The following IPO5 variants were observed in gnomAD, a reference collection of about 807,000 sequenced individuals.
IPO5 encodes the protein importin-5.
IPO5 carries 18 observed loss-of-function variants against 143.3 expected under a neutral mutation model. That is an observed-to-expected ratio of 0.13 (90% CI 0.09 to 0.19). IPO5 has a LOEUF of 0.19. Ranked by LOEUF, IPO5 falls within the 10% of genes least tolerant of loss-of-function variation. The pLI is 1.00. For missense variants in IPO5, 1,013 were observed against 1,336.9 expected, an observed-to-expected ratio of 0.76 and a Z score of 3.78; for synonymous variants, 477 against 465.7, an observed-to-expected ratio of 1.02 and a Z score of -0.31.
chr13:97,990,161 A>G lies in IPO5; in HGVS notation c.503A>G (p.His168Arg), dbSNP rs1255333252. ...FPGIFGNQQQHYLDVIKRMLV... is the reference protein window; with the variant it reads ...FPGIFGNQQQRYLDVIKRMLV... The stretch of plus-strand genomic sequence containing the variant: ...GGAATTTTTGGGAACCAGCAACAAC[A>G]CTATTTAGATGTCATCAAACGAATG... Residue 168 changes from histidine to arginine, a missense_variant, in exon 8 of 29, where the codon CAC becomes CGC. By Grantham distance (29) the His-to-Arg change is conservative. This residue lies in a region of IPO5 where 328 missense variants were observed against 342.0 expected (regional missense o/e 0.96). Coordinates refer to ENST00000651721, the MANE Select transcript of IPO5 (RefSeq NM_002271.6). 1 of 1,613,264 alleles carries G rather than the reference A, an allele frequency of 6.2e-7. No individual in the cohort carries two copies. The highest frequency in any genetic ancestry group is 1.3e-5 in the African/African-American group (1 of 75,044).
intron 20 of IPO5, among the ~76,000 whole-genome samples, chr13:98,010,442 G>C (rs1889600996): frequency 6.6e-6 from 1 of 152,118 alleles, no homozygotes; most frequent in South Asian, 2.1e-4. Flanking sequence ...CCAAATTCCT[G>C]TTAGTGGGAA....
At position 97,976,721 on chromosome 13, in the gene IPO5, C is replaced by G; in HGVS notation, c.25C>G (p.Gln9Glu). Residue 9 changes from glutamine to glutamate, a missense_variant, in exon 4 of 29, where the codon CAA becomes GAA. Physicochemically the swap from Gln to Glu is conservative, Grantham distance 29. Transcript: ENST00000651721. MAAAAAEQ[Q>E]QFYLLLGNLL... ...AATGGCGGCGGCCGCGGCGGAGCAG[C>G]AACAGTTCTACCTGCTCCTGGGAAA... The G allele has an allele frequency of 7.1e-7, 1 of 1,408,886 alleles. No individual in the cohort carries two copies. 87.3% of individuals were successfully genotyped at this position (1,408,886 alleles called of 1,614,324 possible). A position where few individuals can be genotyped will look rare whatever the true frequency, so the allele number is the denominator to read the frequency against.
intron 4 of IPO5, chr13:97,979,744 C>G: frequency 2.6e-6 from 1 of 378,098 alleles, no homozygotes; most frequent in South Asian, 2.0e-5. Flanking sequence ...GTTGCCCAGG[C>G]TGGTCTTGAA....
intron 3 of IPO5, among the ~76,000 whole-genome samples, chr13:97,974,046 G>T (rs1054520981): frequency 2.0e-5 from 3 of 152,154 alleles, no homozygotes; most frequent in African/African-American, 7.2e-5. Flanking sequence ...CTGGGCAACA[G>T]AGTGAGACTC....
chr13:98,007,192 C>T (rs1889339456), intron 17 of IPO5, among the ~76,000 whole-genome samples: 1 of 152,140 alleles, frequency 6.6e-6, no homozygotes, highest in Non-Finnish European at 1.5e-5. Context: ...CTCAGCTGTG[C>T]TCCTGATGCC....
intron 27 of IPO5, among the ~76,000 whole-genome samples, chr13:98,020,730 A>T (rs927321790): frequency 6.6e-6 from 1 of 151,808 alleles, no homozygotes; most frequent in Non-Finnish European, 1.5e-5. Flanking sequence ...TATTTTTAAT[A>T]ATACAAAACA....
chr13:97,990,554 G>A lies in IPO5; in HGVS notation c.669+17G>A, dbSNP rs1887722646. The A allele has an allele frequency of 7.4e-7, 1 of 1,350,164 alleles. No individual in the cohort carries two copies. The highest frequency in any genetic ancestry group is 2.3e-5 in the Admixed American group (1 of 43,720). The allele number at this position is 1,350,164 out of a possible 1,614,324, so 83.6% of individuals were successfully genotyped here. ...TTCCTACAGGTATGAAAGCAATATA[G>A]AATAAATCATAATTATATCTTATTT... On this transcript the variant is annotated intron_variant, in intron 9 of 28. Coordinates refer to ENST00000651721, the MANE Select transcript of IPO5 (RefSeq NM_002271.6).
intron 17 of IPO5, among the ~76,000 whole-genome samples, chr13:98,006,866 G>GT (rs869302123): frequency 0.039 from 4,838 of 125,040 alleles, 199 homozygotes; most frequent in African/African-American, 0.093. Flanking sequence ...TTGGTTTGGT[G>GT]TTTTTTTTTT....
rs144758614 is a variant in IPO5, at chr13:97,972,142, A to G, written c.-5+2312A>G. On this transcript the variant is annotated intron_variant, in intron 3 of 28. Transcript: ENST00000651721. ...AAGAGCATAGCGCTTACAACTACCAAGATAAGGAGTCATAGAGACCCGAGA... is the reference window on the plus strand; with the variant it reads ...AAGAGCATAGCGCTTACAACTACCAGGATAAGGAGTCATAGAGACCCGAGA... Among the ~76,000 whole-genome samples the G allele has an allele frequency of 4.4e-4, 67 of 152,354 alleles. 1 individual carries two copies. The East Asian group carries it at 0.013, about 28-fold the overall frequency.
intron 3 of IPO5, 127 bp downstream of exon 3, chr13:97,969,957 C>A: frequency 4.3e-6 from 3 of 692,506 alleles, no homozygotes; most frequent in Middle Eastern, 3.7e-4. Context: ...CCTCAGCCTC[C>A]CAAAGTGCTG....
intron 5 of IPO5, 112 bp from the exon 6 acceptor site, chr13:97,985,309 T>G: frequency 1.3e-6 from 1 of 771,234 alleles, no homozygotes; most frequent in Non-Finnish European, 2.1e-6. Context: ...TTAGAAAGAG[T>G]TATATATTTA....
chr13:98,012,014 A>G (rs909699234), intron 20 of IPO5, among the ~76,000 whole-genome samples: 4 of 151,908 alleles, frequency 2.6e-5, no homozygotes, highest in African/African-American at 9.7e-5. Context: ...ATACGACAAT[A>G]ATTTCCTTTT....
At chr13:97,987,332 A>G (rs1170078785) in intron 6 of IPO5, 4 of 151,916 alleles carry the variant, frequency 2.6e-5, no homozygotes, top group African/African-American at 9.7e-5. Flanking sequence ...AATAGTTGAA[A>G]TGAAGATCAA....
intron 2 of IPO5, among the ~76,000 whole-genome samples, chr13:97,957,346 C>T (rs1884532652): frequency 6.6e-6 from 1 of 152,052 alleles, no homozygotes; most frequent in South Asian, 2.1e-4. Context: ...TACAGGCCTG[C>T]GCCACCATAC....
intron 17 of IPO5, chr13:98,007,655 T>G (rs1207652817): frequency 6.3e-6 from 1 of 158,196 alleles, no homozygotes; most frequent in Non-Finnish European, 1.4e-5. Flanking sequence ...AATGTCTCTT[T>G]AAAACGCTGC....
intron 25 of IPO5, 143 bp from the exon 26 acceptor site, chr13:98,018,342 C>G: frequency 1.6e-6 from 1 of 631,290 alleles, no homozygotes; most frequent in South Asian, 2.1e-5. Context: ...TCGTTGGTCA[C>G]AAGAAGTGGT....
In IPO5 at chr13:98,002,890, G is replaced by A. The variant is rs1388336698; in HGVS notation, c.1350G>A (p.Met450Ile). ...EKVIAALLQT[M>I]EDQGNQRVQA... ...TGATTGCAGCTCTGCTGCAGACCATGGAAGACCAAGGCAATCAACGTGTGC... is the reference window on the plus strand; with the variant it reads ...TGATTGCAGCTCTGCTGCAGACCATAGAAGACCAAGGCAATCAACGTGTGC... The change falls in exon 16 of 29, where the codon ATG becomes ATA. Residue 450 changes from methionine (M) to isoleucine (I), a missense_variant. Transcript: ENST00000651721. The A allele has an allele frequency of 3.7e-6, 6 of 1,613,324 alleles. No individual in the cohort carries two copies. In the South Asian group the frequency reaches 4.4e-5, roughly 12 times the overall value.
intron 13 of IPO5, 181 bp from the exon 14 acceptor site, chr13:98,002,286 A>G: frequency 2.3e-6 from 1 of 440,610 alleles, no homozygotes; most frequent in Non-Finnish European, 3.9e-6. Context: ...AAGTGCTGGG[A>G]TTACAGGCGC....
Position 98,010,244 on chromosome 13 carries a change from A to G in IPO5, c.2055+20A>G. 1 of 1,606,096 alleles carries G rather than the reference A, an allele frequency of 6.2e-7. No individual in the cohort carries two copies. The highest frequency in any genetic ancestry group is 8.5e-7 in the Non-Finnish European group (1 of 1,177,410). On this transcript the variant is annotated intron_variant, in intron 20 of 28. Coordinates refer to ENST00000651721, the MANE Select transcript of IPO5 (RefSeq NM_002271.6). ...ATGTTGGTAAGAGAGCACTGTTTTT[A>G]CTAAACTTTTATTTTACATCTTATA... is the stretch of plus-strand genomic sequence containing the variant.
Sources: gnomAD v4.1 joint callset for allele counts (sites outside exome capture counted in the v4.1 genomes callset) on GRCh38, gnomAD v4.1.1 for gene constraint, gnomAD v4.1.1 regional missense constraint, MANE v1.5 for transcripts, NCBI Gene and HGNC (gene_info 2026-07-23, HGNC 2026-07-21) for gene names.